The following EPAS1 variants were observed in gnomAD, a reference collection of about 807,000 sequenced individuals.
EPAS1 encodes the protein endothelial PAS domain-containing protein 1.
EPAS1 carries 23 observed loss-of-function variants against 87.9 expected under a neutral mutation model. The observed-to-expected ratio is 0.26, with a 90% CI of 0.19 to 0.37. The LOEUF is 0.37. EPAS1 is among the 10% of genes least tolerant of loss of function. The pLI, the probability that EPAS1 is intolerant of heterozygous loss-of-function variation, is 1.00. For synonymous variants in EPAS1, 508 were observed against 444.3 expected, an observed-to-expected ratio of 1.14 and a Z score of -1.80; for missense variants, 1,138 against 1,120.7, an observed-to-expected ratio of 1.02 and a Z score of -0.22.
At chr2:46,338,567 A>G (rs1251116888) in intron 1 of EPAS1, among the ~76,000 whole-genome samples, 1 of 152,218 alleles carries the variant, frequency 6.6e-6, no homozygotes, top group East Asian at 1.9e-4. Flanking sequence ...AGGGGTGGGA[A>G]AGATGGAAAG....
At chr2:46,359,883 G>A (rs2103634722) in intron 4 of EPAS1, among the ~76,000 whole-genome samples, 1 of 152,184 alleles carries the variant, frequency 6.6e-6, no homozygotes, top group East Asian at 1.9e-4. Flanking sequence ...GTGGAAAATG[G>A]TTCTGAATCG....
rs184760160 is a variant in EPAS1 at position 46,380,409 on chromosome 2, G to C, written c.1737G>C (p.Pro579=). ...NIFQPLAPVA[P]HSPFLLDKFQ... is the part of the protein sequence containing the mutation. ...TCCAGCCACTGGCCCCTGTAGCCCC[G>C]CACAGTCCCTTCCTCCTGGACAAGT... is the stretch of plus-strand genomic sequence containing the variant. The change falls in exon 12 of 16, where the codon CCG becomes CCC. Residue 579 remains proline (P), a synonymous_variant. Transcript: ENST00000263734. The surrounding 1 kb of genome is among the most constrained non-coding windows in gnomAD (Gnocchi z 4.4). The C allele has an allele frequency of 6.2e-7, 1 of 1,614,094 alleles. No individual in the cohort carries two copies. The highest frequency in any genetic ancestry group is 1.7e-5 in the Admixed American group (1 of 60,020).
rs868280867 is a variant in EPAS1 at position 46,339,937 on chromosome 2, G to A, written c.27-6936G>A. Among the ~76,000 whole-genome samples the A allele has an allele frequency of 1.6e-4, 24 of 152,256 alleles. 1 individual carries two copies. Among genetic ancestry groups the A allele is most frequent in the Admixed American group, 1.0e-3 (16 of 15,300 alleles). The stretch of plus-strand genomic sequence containing the variant: ...TGTCATGAGTTAATCACCTCCCAAC[G>A]GTTCCACCTTCAGATACCATCACAT... On this transcript the variant is annotated intron_variant, in intron 1 of 15. Transcript: ENST00000263734.
intron 1 of EPAS1, among the ~76,000 whole-genome samples, chr2:46,326,814 T>C (rs945153663): frequency 1.3e-5 from 2 of 152,088 alleles, no homozygotes; most frequent in African/African-American, 4.8e-5. Flanking sequence ...AATACCCTGA[T>C]ATGGAAATAG....
rs1248654199 is a variant in EPAS1, at chr2:46,375,072, C to T, written c.887-618C>T. Among the ~76,000 whole-genome samples the T allele has an allele frequency of 6.6e-6, 1 of 151,416 alleles. No homozygotes were observed. Among genetic ancestry groups the T allele is most frequent in the Non-Finnish European group, 1.5e-5 (1 of 67,954 alleles). ...GCCTTTGCTGTGGGTCACAAACCTT[C>T]AGTGGCCCAAAAGGTGGCAAGCCTG... is the stretch of plus-strand genomic sequence containing the variant. On this transcript the variant is annotated intron_variant, in intron 7 of 15. Transcript: ENST00000263734. This position sits in a 1 kb window ranked among gnomAD's most constrained non-coding sequence, Gnocchi z 4.1.
chr2:46,316,467 G>A (rs1400089050), intron 1 of EPAS1, among the ~76,000 whole-genome samples: 1 of 152,158 alleles, frequency 6.6e-6, no homozygotes, highest in East Asian at 1.9e-4. Flanking sequence ...TGCCATGTTG[G>A]CCAGGCTGGT....
chr2:46,322,243 G>C (rs931790553), intron 1 of EPAS1, among the ~76,000 whole-genome samples: 4 of 152,084 alleles, frequency 2.6e-5, no homozygotes, highest in Non-Finnish European at 5.9e-5. Context: ...CACCCGCTAG[G>C]TTCTTATGCT....
chr2:46,333,393 C>G (rs1683726075), intron 1 of EPAS1, among the ~76,000 whole-genome samples: 1 of 152,166 alleles, frequency 6.6e-6, no homozygotes, highest in Admixed American at 6.5e-5. Context: ...TCAAGTAGCA[C>G]AGATTGTCTA....
At chr2:46,374,888 C>G (rs902146730) in intron 7 of EPAS1, among the ~76,000 whole-genome samples, 1 of 152,078 alleles carries the variant, frequency 6.6e-6, no homozygotes, top group African/African-American at 2.4e-5. Flanking sequence ...GTAGAACAAT[C>G]TAGAAGAGGA....
intron 1 of EPAS1, among the ~76,000 whole-genome samples, chr2:46,316,817 C>T (rs1683351363): frequency 6.6e-6 from 1 of 152,214 alleles, no homozygotes; most frequent in Non-Finnish European, 1.5e-5. Context: ...GTGATACTGT[C>T]TGATAGCATT....
chr2:46,354,040 G>A (rs1684220239), intron 2 of EPAS1, among the ~76,000 whole-genome samples: 1 of 152,224 alleles, frequency 6.6e-6, no homozygotes, highest in Non-Finnish European at 1.5e-5. Flanking sequence ...GGTCCCCTTT[G>A]CCTTCACTGA....
rs142847382 is a variant in EPAS1, at chr2:46,373,037, T to C, written c.887-2653T>C. Among the ~76,000 whole-genome samples, 491 of 152,180 alleles carry C rather than the reference T, an allele frequency of 3.2e-3. 2 individuals carry two copies. Among genetic ancestry groups the C allele is most frequent in the African/African-American group, 0.011 (462 of 41,536 alleles). On this transcript the variant is annotated intron_variant, in intron 7 of 15. Transcript: ENST00000263734. ...GTGGACCCAGGTAATAAAGAGACCA[T>C]TGTATTAGGAGCCACCAGACATGTT... is the stretch of plus-strand genomic sequence containing the variant.
At chr2:46,327,858 C>T (rs2104855230) in intron 1 of EPAS1, among the ~76,000 whole-genome samples, 1 of 152,294 alleles carries the variant, frequency 6.6e-6, no homozygotes, top group East Asian at 1.9e-4. Context: ...ACAGAGGAGG[C>T]CCCGCCAGAG....
intron 1 of EPAS1, among the ~76,000 whole-genome samples, chr2:46,343,848 G>A (rs1316721134): frequency 1.3e-5 from 2 of 152,212 alleles, no homozygotes; most frequent in African/African-American, 4.8e-5. Flanking sequence ...CTGATTAGCT[G>A]GGTTGCTCTA....
At position 46,382,522 on chromosome 2, in the gene EPAS1, C is replaced by G. The variant is rs1383098307; in HGVS notation, c.2385C>G (p.Ser795Arg). Residue 795 changes from serine (S) to arginine (R), a missense_variant, in exon 15 of 16, where the codon AGC becomes AGG. By Grantham distance (110) the Ser-to-Arg change is moderately radical. Around this residue, in one of 4 missense-constraint regions of EPAS1, gnomAD observed 502 missense variants for 427.1 expected, o/e 1.18. Coordinates refer to ENST00000263734, the MANE Select transcript of EPAS1 (RefSeq NM_001430.5). ...CTGCCATCAGTCCCGGGGAGAACAG[C>G]AAGAGCAGGTTCCCCCCACAGTGCT... ...PPSAISPGEN[S>R]KSRFPPQCYA... 6 of 1,614,056 alleles carry G rather than the reference C, an allele frequency of 3.7e-6. No individual in the cohort carries two copies. Among genetic ancestry groups the G allele is most frequent in the African/African-American group, 2.7e-5 (2 of 74,936 alleles).
At chr2:46,370,555 A>C (rs1684607735) in intron 7 of EPAS1, among the ~76,000 whole-genome samples, 1 of 152,190 alleles carries the variant, frequency 6.6e-6, no homozygotes. Context: ...TGGCGTATGG[A>C]AACTCTGCTT....
At chr2:46,328,741 A>G (rs186395602) in intron 1 of EPAS1, among the ~76,000 whole-genome samples, 10 of 152,224 alleles carry the variant, frequency 6.6e-5, no homozygotes, top group Non-Finnish European at 1.2e-4. Flanking sequence ...GGGAGGACAG[A>G]TGGGGTCTTC....
intron 15 of EPAS1, among the ~76,000 whole-genome samples, chr2:46,383,363 C>T (rs573575595): frequency 1.3e-5 from 2 of 152,364 alleles, no homozygotes; most frequent in Admixed American, 6.5e-5. Context: ...AACCCTGGGC[C>T]ACCTTCATCT....
chr2:46,316,756 G>C lies in EPAS1; in HGVS notation c.26+18819G>C, dbSNP rs377311073. Among the ~76,000 whole-genome samples, 17 of 150,490 alleles carry C rather than the reference G, an allele frequency of 1.1e-4. No individual in the cohort carries two copies. In the South Asian group the frequency reaches 2.1e-3, roughly 18 times the overall value. The stretch of plus-strand genomic sequence containing the variant: ...CAATTCCTTGAAATCAGACAAGAAT[G>C]AAGTTTTTTACATCAATAGAGTCTT... On this transcript the variant is annotated intron_variant, in intron 1 of 15. Coordinates refer to ENST00000263734, the MANE Select transcript of EPAS1 (RefSeq NM_001430.5).
Sources: allele counts gnomAD v4.1 joint callset (sites outside exome capture counted in the v4.1 genomes callset), GRCh38; gene constraint gnomAD v4.1.1; regional missense constraint gnomAD v4.1.1; non-coding constraint Gnocchi (gnomAD v3.1); transcripts MANE v1.5; gene names NCBI Gene and HGNC (gene_info 2026-07-23, HGNC 2026-07-21).